Variants in ATP11A observed in about 807,000 individuals in gnomAD.
ATP11A encodes the protein ATPase phospholipid transporting 11A.
Under a neutral mutation model 154.4 loss-of-function variants are expected in ATP11A, and 81 were observed. The observed-to-expected ratio is 0.52, with a 90% confidence interval of 0.44 to 0.63. The LOEUF (loss-of-function observed/expected upper bound fraction) is 0.63, where lower values mean the gene tolerates loss of function less well. Among genes scored for constraint, ATP11A ranks in the 30% least tolerant of loss-of-function variants. ATP11A has a pLI of 0.00. For missense variants in ATP11A, 1,316 were observed against 1,474.3 expected (o/e 0.89, Z 1.76); for synonymous variants, 623 against 585.9 (o/e 1.06, Z -0.91).
At position 112,819,308 on chromosome 13, in the gene ATP11A, A is replaced by G. The variant is rs965608735; in HGVS notation, c.575A>G (p.His192Arg). The change falls in exon 7 of 30, where the codon CAT becomes CGT. Residue 192 changes from histidine to arginine, a missense_variant. Physicochemically the swap from His to Arg is conservative, Grantham distance 29. Around this residue, in one of 5 missense-constraint regions of ATP11A, gnomAD observed 876 missense variants for 1,006.8 expected, o/e 0.87. Coordinates refer to ENST00000375645, the MANE Select transcript of ATP11A (RefSeq NM_015205.3). ...ACATGTCTTGTGCATTTGTAGACGCATTACGCGGTCCAGGACACCAAAGGC... is the reference window on the plus strand; with the variant it reads ...ACATGTCTTGTGCATTTGTAGACGCGTTACGCGGTCCAGGACACCAAAGGC... Reference protein sequence around the residue: ...SLDGESSHKTHYAVQDTKGFH... With the variant: ...SLDGESSHKTRYAVQDTKGFH... 6.2e-7 allele frequency: 1 copy of G among 1,614,192 alleles called. No individual in the cohort carries two copies. The highest frequency in any genetic ancestry group is 8.5e-7 in the Non-Finnish European group (1 of 1,180,012).
chr13:112,732,874 A>T (rs1202199233), intron 1 of ATP11A, among the ~76,000 whole-genome samples: 1 of 152,130 alleles, frequency 6.6e-6, no homozygotes, highest in Non-Finnish European at 1.5e-5. Context: ...CGGCCTCCCA[A>T]GGTGCTGTGA....
chr13:112,829,470 T>G (rs968598526), intron 12 of ATP11A, among the ~76,000 whole-genome samples: 2 of 152,184 alleles, frequency 1.3e-5, no homozygotes, highest in African/African-American at 4.8e-5. Flanking sequence ...AACCATATGA[T>G]TATCTGTGAT....
At chr13:112,805,622 G>A (rs1359971046) in intron 3 of ATP11A, among the ~76,000 whole-genome samples, 1 of 148,170 alleles carries the variant, frequency 6.7e-6, no homozygotes, top group African/African-American at 2.5e-5. Context: ...GTTGCAGTGA[G>A]CTGAGATCGT....
chr13:112,793,797 G>A (rs392710), intron 2 of ATP11A, among the ~76,000 whole-genome samples: 29,355 of 152,214 alleles, frequency 0.19, 6,020 homozygotes, highest in African/African-American at 0.52. Flanking sequence ...CTGCTGGCAG[G>A]GGACAGTGCC....
At chr13:112,724,437 G>A (rs1889588006) in intron 1 of ATP11A, among the ~76,000 whole-genome samples, 1 of 152,022 alleles carries the variant, frequency 6.6e-6, no homozygotes, top group African/African-American at 2.4e-5. Flanking sequence ...TATGATGGTG[G>A]GAGCAATGTG....
intron 17 of ATP11A, among the ~76,000 whole-genome samples, chr13:112,842,620 C>G (rs2079454852): frequency 6.6e-6 from 1 of 152,270 alleles, no homozygotes; most frequent in South Asian, 2.1e-4. Flanking sequence ...CCTCCCCAGC[C>G]TTGCACAGGG....
intron 14 of ATP11A, among the ~76,000 whole-genome samples, chr13:112,834,113 C>T (rs909947532): frequency 2.0e-5 from 3 of 152,260 alleles, no homozygotes; most frequent in Non-Finnish European, 1.5e-5. Context: ...TAGATGGGTG[C>T]ACCCACGTGC....
chr13:112,737,807 A>C (rs771766823), intron 1 of ATP11A, among the ~76,000 whole-genome samples: 4 of 152,178 alleles, frequency 2.6e-5, no homozygotes, highest in Non-Finnish European at 5.9e-5. Context: ...TGGATTGACA[A>C]ACACAGGTTT....
chr13:112,881,917 C>T lies in ATP11A; in HGVS notation c.*51C>T, dbSNP rs771989759. ...GCACCTGTCCCTCGGCCGCCTGGTA[C>T]AGCTCCCACTCTCAGCAGGTGACAC... is the stretch of plus-strand genomic sequence containing the variant. On this transcript the variant is annotated 3_prime_UTR_variant, in exon 30 of 30. Transcript: ENST00000375645. 3.1e-5 allele frequency: 42 copies of T among 1,367,814 alleles called. 1 individual carries two copies. The South Asian group carries it at 4.0e-4, about 13-fold the overall frequency. 84.7% of individuals were successfully genotyped at this position (1,367,814 alleles called of 1,614,324 possible). A position where few individuals can be genotyped will look rare whatever the true frequency, so the allele number is the denominator to read the frequency against.
At chr13:112,869,219 C>A (rs1008995630) in intron 25 of ATP11A, among the ~76,000 whole-genome samples, 1 of 152,212 alleles carries the variant, frequency 6.6e-6, no homozygotes, top group Non-Finnish European at 1.5e-5. Flanking sequence ...AGGACGTGGA[C>A]ACAGGTTAGT....
Position 112,850,983 on chromosome 13 carries a change from A to G in ATP11A, c.1810-54A>G, listed in dbSNP as rs961156519. The stretch of plus-strand genomic sequence containing the variant: ...TACTGGGAAGGCCGTGGAGCGTAAT[A>G]TTTCAGCAAGTGACACCTTGAATTC... On this transcript the variant is annotated intron_variant, in intron 17 of 29. Transcript: ENST00000375645. 8 of 1,565,092 alleles carry G rather than the reference A, an allele frequency of 5.1e-6. No homozygotes were observed. The African/African-American group carries it at 1.1e-4, about 21-fold the overall frequency.
In ATP11A at chr13:112,871,738, T is replaced by C. The variant is rs1173378992; in HGVS notation, c.2995T>C (p.Phe999Leu). 1 of 1,613,884 alleles carries C rather than the reference T, an allele frequency of 6.2e-7. No individual in the cohort carries two copies. The highest frequency in any genetic ancestry group is 8.5e-7 in the Non-Finnish European group (1 of 1,179,760). Reference sequence around the variant, plus strand: ...TTGGACTATTTTCCCCAAACAGATATTTGGAAACTGGACGTTTGGAACGCT... The same window carrying C: ...TTGGACTATTTTCCCCAAACAGATACTTGGAAACTGGACGTTTGGAACGCT... Reference protein sequence around the residue: ...NTTVTSNGQIFGNWTFGTLVF... With the variant: ...NTTVTSNGQILGNWTFGTLVF... The change falls in exon 26 of 30, where the codon TTT (phenylalanine) becomes CTT (leucine). Residue 999 changes from phenylalanine (F) to leucine (L), a missense_variant. Physicochemically the swap from Phe to Leu is conservative, Grantham distance 22 (BLOSUM62 0). Around this residue, in one of 5 missense-constraint regions of ATP11A, gnomAD observed 294 missense variants for 290.2 expected, o/e 1.01. Transcript: ENST00000375645.
Position 112,875,584 on chromosome 13 carries a change from T to C in ATP11A, c.3162-192T>C, listed in dbSNP as rs893964835. Among the ~76,000 whole-genome samples, 1 of 151,954 alleles carries C rather than the reference T, an allele frequency of 6.6e-6. No individual in the cohort carries two copies. The highest frequency in any genetic ancestry group is 2.4e-5 in the African/African-American group (1 of 41,314). On this transcript the variant is annotated intron_variant, in intron 27 of 29. Transcript: ENST00000375645. The surrounding 1 kb of genome is among the most constrained non-coding windows in gnomAD (Gnocchi z 4.1). The stretch of plus-strand genomic sequence containing the variant: ...CATAGAATTCCTTCTCCCGTTCCTC[T>C]TACCCCAGCATTACCGGGAGGTTCA...
intron 17 of ATP11A, among the ~76,000 whole-genome samples, chr13:112,844,472 G>A (rs911199992): frequency 1.3e-5 from 2 of 152,104 alleles, no homozygotes; most frequent in Admixed American, 1.3e-4. Context: ...AGACTGTCTC[G>A]CGCCCTCATA....
At chr13:112,879,581 G>A (rs1022715072) in intron 29 of ATP11A, among the ~76,000 whole-genome samples, 5 of 152,228 alleles carry the variant, frequency 3.3e-5, no homozygotes, top group Admixed American at 1.3e-4. Context: ...GCCCGGCTGC[G>A]TAGAGACAGT....
intron 2 of ATP11A, among the ~76,000 whole-genome samples, chr13:112,799,115 A>G (rs2078070399): frequency 6.6e-6 from 1 of 152,242 alleles, no homozygotes; most frequent in African/African-American, 2.4e-5. Context: ...CAACATAACA[A>G]TTCTCAAAGT....
chr13:112,783,296 G>A (rs993789941), intron 1 of ATP11A, among the ~76,000 whole-genome samples: 8 of 152,092 alleles, frequency 5.3e-5, no homozygotes, highest in Admixed American at 1.3e-4. Flanking sequence ...GCCTTTTTTG[G>A]CTTTAAAAAA....
intron 1 of ATP11A, among the ~76,000 whole-genome samples, chr13:112,734,543 G>GCTGCC (rs1303155369): frequency 6.6e-6 from 1 of 152,118 alleles, no homozygotes; most frequent in Non-Finnish European, 1.5e-5. Context: ...GGAACTGCAG[G>GCTGCC]CTGCCCGGAG....
chr13:112,845,135 G>T (rs1347681675), intron 17 of ATP11A, among the ~76,000 whole-genome samples: 1 of 151,454 alleles, frequency 6.6e-6, no homozygotes, highest in African/African-American at 2.4e-5. Flanking sequence ...CCAAGTGCCG[G>T]GCAGTAGCAG....
Sources: gnomAD v4.1 joint callset for allele counts (sites outside exome capture counted in the v4.1 genomes callset) on GRCh38, gnomAD v4.1.1 for gene constraint, gnomAD v4.1.1 regional missense constraint, Gnocchi (gnomAD v3.1) non-coding constraint, MANE v1.5 for transcripts, NCBI Gene and HGNC (gene_info 2026-07-23, HGNC 2026-07-21) for gene names.